Variants in RASA2 observed in about 807,000 individuals in gnomAD.
RASA2 encodes ras GTPase-activating protein 2.
A neutral mutation model predicts 118.2 loss-of-function variants in RASA2; 155 were observed. The observed-to-expected ratio is 1.31, with a 90% CI of 1.15 to 1.50. RASA2 has a LOEUF of 1.50. Ranked by LOEUF, RASA2 falls within the 40% of genes most tolerant of loss-of-function variation. The probability of loss-of-function intolerance (pLI) is 0.00; values close to 1 mark genes in which losing one functional copy is unlikely to be tolerated. For missense variants in RASA2, 1,016 were observed against 1,009.6 expected (o/e 1.01, Z -0.09); for synonymous variants, 353 against 349.1 (o/e 1.01, Z -0.12).
intron 1 of RASA2, 149 bp downstream of exon 1, chr3:141,487,365 G>C (rs117367539): frequency 1.1e-5 from 10 of 937,900 alleles, no homozygotes; most frequent in South Asian, 5.2e-5. Flanking sequence ...AGGCTGGAAG[G>C]GGGTGTGTTG....
intron 3 of RASA2, among the ~76,000 whole-genome samples, chr3:141,528,344 T>A (rs1323042371): frequency 6.6e-6 from 1 of 151,982 alleles, no homozygotes; most frequent in Non-Finnish European, 1.5e-5. Flanking sequence ...GTAATTCACA[T>A]ACCATTAATT....
Position 141,556,605 on chromosome 3 carries a change from A to G in RASA2, c.684+693A>G, listed in dbSNP as rs76249845. ...TGCTTTTCTTTGGAGCATTTGTTAA[A>G]GAAATCCTTTTTCATATTATTTGCA... On this transcript the variant is annotated intron_variant, in intron 7 of 23. Coordinates refer to ENST00000286364, the MANE Select transcript of RASA2 (RefSeq NM_006506.5). 4.7e-3 allele frequency among the ~76,000 whole-genome samples: 710 copies of G among 152,280 alleles called. 5 individuals are homozygous for G. Among genetic ancestry groups the G allele is most frequent in the African/African-American group, 0.016 (678 of 41,552 alleles).
intron 2 of RASA2, among the ~76,000 whole-genome samples, chr3:141,514,814 A>G (rs537429137): frequency 6.6e-6 from 1 of 152,342 alleles, no homozygotes; most frequent in Non-Finnish European, 1.5e-5. Context: ...GCAATGGAAT[A>G]CTATGCAGCA....
At chr3:141,567,763 A>G (rs1033012011) in intron 9 of RASA2, among the ~76,000 whole-genome samples, 35 of 152,218 alleles carry the variant, frequency 2.3e-4, no homozygotes, top group African/African-American at 7.7e-4. Context: ...CTTCCTCAGT[A>G]TAAGTAACCA....
chr3:141,547,479 C>T (rs1346020039), intron 5 of RASA2, among the ~76,000 whole-genome samples: 2 of 152,080 alleles, frequency 1.3e-5, no homozygotes, highest in African/African-American at 4.8e-5. Flanking sequence ...GTATTACTTT[C>T]TTGATTTATT....
chr3:141,608,468 T>C (rs753834230), intron 20 of RASA2, 21 bp from the exon 21 acceptor site: 32 of 1,608,938 alleles, frequency 2.0e-5, no homozygotes, highest in Admixed American at 5.0e-5. Context: ...CACTAACTTT[T>C]TATCTTAATT....
rs528600775 is a variant in RASA2, at chr3:141,501,019, G to C, written c.134-11144G>C. On this transcript the variant is annotated intron_variant, in intron 1 of 23. Coordinates refer to ENST00000286364, the MANE Select transcript of RASA2 (RefSeq NM_006506.5). The stretch of plus-strand genomic sequence containing the variant: ...ATTTAGTAAGATACACCTGTCTGCA[G>C]TTTCCACTCAAAATCATTTTGCCAG... 7.9e-5 allele frequency among the ~76,000 whole-genome samples: 12 copies of C among 152,268 alleles called. No homozygotes were observed. The East Asian group carries it at 2.3e-3, about 29-fold the overall frequency.
At chr3:141,492,499 T>G (rs907896910) in intron 1 of RASA2, among the ~76,000 whole-genome samples, 29 of 152,342 alleles carry the variant, frequency 1.9e-4, no homozygotes, top group African/African-American at 7.0e-4. Context: ...TTTGTATCAG[T>G]ACACATACAG....
chr3:141,572,029 C>CATATATATATATAT (rs10568210), intron 11 of RASA2, among the ~76,000 whole-genome samples: 22 of 121,446 alleles, frequency 1.8e-4, no homozygotes, highest in Non-Finnish European at 2.9e-4. Context: ...TTTAAAAAAA[C>CATATATATATATAT]ATATATATAT....
intron 19 of RASA2, among the ~76,000 whole-genome samples, chr3:141,589,597 C>T (rs2083257250): frequency 6.6e-6 from 1 of 152,270 alleles, no homozygotes; most frequent in African/African-American, 2.4e-5. Context: ...GATCCCAACA[C>T]TTTGGGAGGC....
chr3:141,580,798 G>A (rs2083100599), intron 16 of RASA2, among the ~76,000 whole-genome samples: 1 of 149,098 alleles, frequency 6.7e-6, no homozygotes, highest in Non-Finnish European at 1.5e-5. Context: ...GTCTCTAGAA[G>A]TTTTAAAAAG....
chr3:141,560,677 T>C (rs557530244), intron 9 of RASA2, among the ~76,000 whole-genome samples: 1 of 152,344 alleles, frequency 6.6e-6, no homozygotes, highest in South Asian at 2.1e-4. Flanking sequence ...ATTGTTTTTT[T>C]TCTGTCTATA....
chr3:141,539,101 G>A (rs993223311), intron 4 of RASA2, among the ~76,000 whole-genome samples: 1 of 152,174 alleles, frequency 6.6e-6, no homozygotes, highest in Non-Finnish European at 1.5e-5. Context: ...TGTCACAACA[G>A]AAAATATGAT....
chr3:141,506,098 T>C (rs2081862104), intron 1 of RASA2, among the ~76,000 whole-genome samples: 2 of 152,224 alleles, frequency 1.3e-5, no homozygotes, highest in Non-Finnish European at 2.9e-5. Context: ...TTAACAGTTA[T>C]GTTGTAAGTC....
rs187109599 is a variant in RASA2, at chr3:141,536,405, G to C, written c.451-4128G>C. Among the ~76,000 whole-genome samples the C allele has an allele frequency of 2.0e-5, 3 of 152,278 alleles. No homozygotes were observed. In the East Asian group the frequency reaches 5.8e-4, roughly 29 times the overall value. On this transcript the variant is annotated intron_variant, in intron 4 of 23. Transcript: ENST00000286364. ...CCCACAACACATGGGAATTCTGGGA[G>C]ATACAATTCAAGTTGACATTTGGTG...
In RASA2 at chr3:141,613,182, A is replaced by G. The variant is rs1337721482; in HGVS notation, c.*869A>G. On this transcript the variant is annotated 3_prime_UTR_variant, in exon 24 of 24. Transcript: ENST00000286364. ...TTCATGTTGTAATAAGGGCCACCAT[A>G]AGGATGCCCTCCTCATAGTGTTCGG... is the stretch of plus-strand genomic sequence containing the variant. The G allele has an allele frequency of 1.3e-5, 2 of 152,194 alleles. No individual in the cohort carries two copies. The highest frequency in any genetic ancestry group is 2.9e-5 in the Non-Finnish European group (2 of 68,018). 9.4% of individuals were successfully genotyped at this position (152,194 alleles called of 1,614,324 possible). A position where few individuals can be genotyped will look rare whatever the true frequency, so the allele number is the denominator to read the frequency against.
intron 5 of RASA2, among the ~76,000 whole-genome samples, chr3:141,542,281 A>G (rs879074691): frequency 6.6e-6 from 1 of 151,990 alleles, no homozygotes; most frequent in Non-Finnish European, 1.5e-5. Context: ...AAAGTATATG[A>G]TATGTCTTTT....
At chr3:141,555,798 C>A in intron 6 of RASA2, 42 bp from the exon 7 acceptor site, 1 of 1,525,042 alleles carries the variant, frequency 6.6e-7, no homozygotes, top group Non-Finnish European at 9.0e-7. Context: ...TAATTGTGTA[C>A]TGTTAAGTTC....
chr3:141,539,295 A>T (rs924452934), intron 4 of RASA2, among the ~76,000 whole-genome samples: 1 of 152,198 alleles, frequency 6.6e-6, no homozygotes, highest in East Asian at 1.9e-4. Flanking sequence ...ATTTAGTTCC[A>T]GCTCCACGTA....
Sources: allele counts gnomAD v4.1 joint callset (sites outside exome capture counted in the v4.1 genomes callset), GRCh38; gene constraint gnomAD v4.1.1; transcripts MANE v1.5; gene names NCBI Gene and HGNC (gene_info 2026-07-23, HGNC 2026-07-21).